Variants in KLF7 observed in about 807,000 individuals in gnomAD.
KLF7 encodes KLF transcription factor 7, also known as Krueppel-like factor 7.
A neutral mutation model predicts 27.3 loss-of-function variants in KLF7; 2 were observed. The ratio of observed to expected loss-of-function variants is 0.07; its 90% CI spans 0.03 to 0.23. The LOEUF (loss-of-function observed/expected upper bound fraction) is 0.23, where lower values mean the gene tolerates loss of function less well. Among genes scored for constraint, KLF7 ranks in the 10% least tolerant of loss-of-function variants. The pLI is 1.00. For missense variants in KLF7, 221 were observed against 394.1 expected (o/e 0.56, Z 3.72); for synonymous variants, 165 against 162.4 (o/e 1.02, Z -0.12).
At chr2:207,105,016 C>T (rs1373927521) in intron 2 of KLF7, among the ~76,000 whole-genome samples, 1 of 152,182 alleles carries the variant, frequency 6.6e-6, no homozygotes, top group Non-Finnish European at 1.5e-5. Context: ...CAGAATGGTA[C>T]TACTGACTAC....
intron 2 of KLF7, chr2:207,122,161 C>T (rs1487012196): frequency 6.6e-6 from 1 of 152,190 alleles, no homozygotes; most frequent in East Asian, 1.9e-4. Flanking sequence ...GAAGCAAAAA[C>T]TGACAATAGC....
At chr2:207,090,723 A>G (rs2076491548) in intron 2 of KLF7, among the ~76,000 whole-genome samples, 1 of 152,204 alleles carries the variant, frequency 6.6e-6, no homozygotes, top group African/African-American at 2.4e-5. Context: ...ATGGAGAATG[A>G]ATCCAAAACA....
At chr2:207,145,096 T>C (rs1022983447) in intron 1 of KLF7, among the ~76,000 whole-genome samples, 17 of 152,226 alleles carry the variant, frequency 1.1e-4, no homozygotes, top group African/African-American at 2.9e-4. Context: ...CGTATCTATA[T>C]TGTAAAAACG....
intron 2 of KLF7, among the ~76,000 whole-genome samples, chr2:207,117,125 C>T (rs2077208917): frequency 6.6e-6 from 1 of 152,110 alleles, no homozygotes; most frequent in South Asian, 2.1e-4. Flanking sequence ...ATTAAAAGGA[C>T]ATCTGGAATA....
rs140954090 is a variant in KLF7, at chr2:207,156,815, C to T, written c.102+8652G>A. On this transcript the variant is annotated intron_variant, in intron 1 of 3. Coordinates refer to ENST00000309446, the MANE Select transcript of KLF7 (RefSeq NM_003709.4). ...CCTGTTTTACTATAAACCTCTGGTC[C>T]GTGTGGATTCCAAATTACACAAGTC... is the stretch of plus-strand genomic sequence containing the variant. Among the ~76,000 whole-genome samples the T allele has an allele frequency of 3.3e-3, 504 of 152,302 alleles. 1 individual carries two copies. Among genetic ancestry groups the T allele is most frequent in the African/African-American group, 0.012 (483 of 41,552 alleles).
chr2:207,095,206 T>A (rs140207131), intron 2 of KLF7, among the ~76,000 whole-genome samples: 7,507 of 151,832 alleles, frequency 0.049, 264 homozygotes, highest in Middle Eastern at 0.092. Context: ...AGCCACCACG[T>A]CCAGCTAATT....
At chr2:207,111,124 AACC>A (rs1409244899) in intron 2 of KLF7, among the ~76,000 whole-genome samples, 4 of 152,216 alleles carry the variant, frequency 2.6e-5, no homozygotes, top group African/African-American at 7.2e-5. Flanking sequence ...CCTGGTTGAG[AACC>A]ACCACATTAG....
rs577148628 is a variant in KLF7, at chr2:207,107,816, G to A, written c.733+15958C>T. Among the ~76,000 whole-genome samples the A allele has an allele frequency of 1.3e-5, 2 of 152,288 alleles. 1 individual carries two copies. Among genetic ancestry groups the A allele is most frequent in the South Asian group, 4.1e-4 (2 of 4,822 alleles). On this transcript the variant is annotated intron_variant, in intron 2 of 3. Transcript: ENST00000309446. ...AAATGAGCAGGTGACCTCTCAAACC[G>A]TGTCAAAACGGACCCTTGACCCAGA... is the stretch of plus-strand genomic sequence containing the variant.
At position 207,158,089 on chromosome 2, in the gene KLF7, G is replaced by A. The variant is rs78853803; in HGVS notation, c.102+7378C>T. On this transcript the variant is annotated intron_variant, in intron 1 of 3. Transcript: ENST00000309446. Reference sequence around the variant, plus strand: ...GAGATGTAGAGTATAGCTGTGAGGAGATGAAGAAGCCCTGAACTGGGAAGG... The same window carrying A: ...GAGATGTAGAGTATAGCTGTGAGGAAATGAAGAAGCCCTGAACTGGGAAGG... Among the ~76,000 whole-genome samples the A allele has an allele frequency of 7.7e-3, 1,180 of 152,278 alleles. 6 individuals carry two copies. Among genetic ancestry groups the A allele is most frequent in the Non-Finnish European group, 0.013 (853 of 68,016 alleles).
intron 1 of KLF7, among the ~76,000 whole-genome samples, chr2:207,125,376 T>C (rs1316541254): frequency 1.3e-5 from 2 of 152,196 alleles, no homozygotes; most frequent in African/African-American, 2.4e-5. Context: ...AATTCCAGAA[T>C]CTTGTATAAA....
intron 2 of KLF7, among the ~76,000 whole-genome samples, chr2:207,120,724 A>T (rs2077316846): frequency 6.6e-6 from 1 of 152,176 alleles, no homozygotes. Flanking sequence ...TCCTTGTATC[A>T]GCAGCCTCTT....
intron 1 of KLF7, among the ~76,000 whole-genome samples, chr2:207,160,101 T>C (rs2078499696): frequency 6.6e-6 from 1 of 152,232 alleles, no homozygotes; most frequent in Non-Finnish European, 1.5e-5. Context: ...AACTTGTCAA[T>C]GTTACATGTA....
chr2:207,129,888 A>G (rs112043026), intron 1 of KLF7, among the ~76,000 whole-genome samples: 127 of 152,354 alleles, frequency 8.3e-4, no homozygotes, highest in African/African-American at 2.9e-3. Context: ...AGAAAACAGG[A>G]TAATTCAAGT....
At chr2:207,143,881 G>C (rs766086189) in intron 1 of KLF7, among the ~76,000 whole-genome samples, 1 of 152,162 alleles carries the variant, frequency 6.6e-6, no homozygotes, top group African/African-American at 2.4e-5. Context: ...ACACTTCCTA[G>C]CTTGGGGCCC....
At chr2:207,135,801 T>G (rs1409462258) in intron 1 of KLF7, among the ~76,000 whole-genome samples, 1 of 152,066 alleles carries the variant, frequency 6.6e-6, no homozygotes, top group East Asian at 1.9e-4. Flanking sequence ...TTTACTTGTC[T>G]CTAACGTTTT....
At chr2:207,103,799 G>A (rs1307199942) in intron 2 of KLF7, among the ~76,000 whole-genome samples, 1 of 152,218 alleles carries the variant, frequency 6.6e-6, no homozygotes, top group Non-Finnish European at 1.5e-5. Context: ...GGATTATCGT[G>A]AAATGTGAAG....
At chr2:207,102,953 G>C (rs1403800742) in intron 2 of KLF7, among the ~76,000 whole-genome samples, 1 of 152,136 alleles carries the variant, frequency 6.6e-6, no homozygotes, top group African/African-American at 2.4e-5. Flanking sequence ...TTTTGAGACA[G>C]AGTCTCGCTC....
Position 207,081,137 on chromosome 2 carries a change from G to C in KLF7, c.*76C>G. ...TCTGCGAGGCAATGGGTCCCCGCCT[G>C]AAGTCCAGCCCCCTGCCTCATGGCG... On this transcript the variant is annotated 3_prime_UTR_variant, in exon 4 of 4. Coordinates refer to ENST00000309446, the MANE Select transcript of KLF7 (RefSeq NM_003709.4). 1 of 1,325,274 alleles carries C rather than the reference G, an allele frequency of 7.5e-7. No homozygotes were observed. Among genetic ancestry groups the C allele is most frequent in the Non-Finnish European group, 1.1e-6 (1 of 917,636 alleles). The allele number at this position is 1,325,274 out of a possible 1,614,324, so 82.1% of individuals were successfully genotyped here.
intron 1 of KLF7, among the ~76,000 whole-genome samples, chr2:207,163,067 C>G (rs1042964098): frequency 1.3e-5 from 2 of 152,176 alleles, no homozygotes; most frequent in African/African-American, 4.8e-5. Context: ...TCAGAAGCAG[C>G]AAGACGGTTT....
Sources: allele counts gnomAD v4.1 joint callset (sites outside exome capture counted in the v4.1 genomes callset), GRCh38; gene constraint gnomAD v4.1.1; transcripts MANE v1.5; gene names NCBI Gene and HGNC (gene_info 2026-07-23, HGNC 2026-07-21).